The following GRIA1 variants were observed in gnomAD, a reference collection of about 807,000 sequenced individuals.
GRIA1 encodes the protein glutamate ionotropic receptor AMPA type subunit 1.
Under a neutral mutation model 99.2 loss-of-function variants are expected in GRIA1, and 31 were observed. That is an observed-to-expected ratio of 0.31 (90% CI 0.23 to 0.42). The LOEUF (loss-of-function observed/expected upper bound fraction) is 0.42, where lower values mean the gene tolerates loss of function less well. Among genes scored for constraint, GRIA1 ranks in the 10% least tolerant of loss-of-function variants. GRIA1 has a pLI of 1.00. For missense variants in GRIA1, 782 were observed against 1,157.5 expected, an observed-to-expected ratio of 0.68 and a Z score of 4.71; for synonymous variants, 438 against 432.4, an observed-to-expected ratio of 1.01 and a Z score of -0.16.
At chr5:153,808,029 G>A (rs1347261813) in intron 15 of GRIA1, among the ~76,000 whole-genome samples, 1 of 152,226 alleles carries the variant, frequency 6.6e-6, no homozygotes, top group East Asian at 1.9e-4. Context: ...TCCACAGCAG[G>A]TGGTCACTGG....
chr5:153,706,324 C>T (rs761598597), intron 11 of GRIA1, among the ~76,000 whole-genome samples: 13 of 151,014 alleles, frequency 8.6e-5, no homozygotes, highest in African/African-American at 2.2e-4. Context: ...ATGACTGATG[C>T]GTTGTAGCTG....
intron 13 of GRIA1, among the ~76,000 whole-genome samples, chr5:153,788,394 G>A (rs377477925): frequency 1.5e-4 from 23 of 151,974 alleles, no homozygotes; most frequent in African/African-American, 5.6e-4. Flanking sequence ...TCCCTGCATT[G>A]GGAGAACTTA....
intron 2 of GRIA1, among the ~76,000 whole-genome samples, chr5:153,562,272 C>A (rs190858610): frequency 4.6e-5 from 7 of 152,244 alleles, no homozygotes; most frequent in Admixed American, 4.6e-4. Flanking sequence ...CATCTATACC[C>A]ATTATGTCTG....
At position 153,764,437 on chromosome 5, in the gene GRIA1, C is replaced by T. The variant is rs746372993; in HGVS notation, c.1827C>T (p.Ser609=). The part of the protein sequence containing the change: ...MQQGCDISPR[S]LSGRIVGGVW... ...GCCTCTTCCCTTTGGCCTGCAGGTC[C>T]CTGTCTGGTCGCATCGTTGGTGGCG... Residue 609 remains serine, a synonymous_variant, in exon 12 of 16, where the codon TCC becomes TCT. Coordinates refer to ENST00000285900, the MANE Select transcript of GRIA1 (RefSeq NM_000827.4). 3 of 1,613,134 alleles carry T rather than the reference C, an allele frequency of 1.9e-6. No individual in the cohort carries two copies. The highest frequency in any genetic ancestry group is 2.5e-6 in the Non-Finnish European group (3 of 1,179,286).
chr5:153,640,782 T>C (rs1753727995), intron 2 of GRIA1, among the ~76,000 whole-genome samples: 2 of 152,318 alleles, frequency 1.3e-5, no homozygotes, highest in South Asian at 4.1e-4. Flanking sequence ...ACCCCAATTT[T>C]CTGGCAATAT....
At chr5:153,650,265 G>A in intron 3 of GRIA1, 65 bp from the exon 4 acceptor site, 2 of 1,432,280 alleles carry the variant, frequency 1.4e-6, no homozygotes, top group Non-Finnish European at 1.9e-6. Context: ...GGTGCCTGAT[G>A]GGAGTGGGTG....
chr5:153,795,731 G>A (rs1765603037), intron 14 of GRIA1: 2 of 552,538 alleles, frequency 3.6e-6, no homozygotes, highest in African/African-American at 3.8e-5. Flanking sequence ...AGTCCAGGCA[G>A]GGTTAAAAAG....
intron 13 of GRIA1, among the ~76,000 whole-genome samples, chr5:153,785,879 G>A (rs1764936564): frequency 6.6e-6 from 1 of 152,200 alleles, no homozygotes; most frequent in South Asian, 2.1e-4. Flanking sequence ...GCAGCAATCT[G>A]TGTCCCTGTG....
intron 2 of GRIA1, among the ~76,000 whole-genome samples, chr5:153,517,701 C>T (rs1756757049): frequency 6.6e-6 from 1 of 152,202 alleles, no homozygotes; most frequent in African/African-American, 2.4e-5. Context: ...TGAATCCACA[C>T]ACTTTTTTCA....
At chr5:153,502,903 T>A (rs1435490774) in intron 2 of GRIA1, among the ~76,000 whole-genome samples, 1 of 152,208 alleles carries the variant, frequency 6.6e-6, no homozygotes, top group Non-Finnish European at 1.5e-5. Flanking sequence ...AAAACTTGTA[T>A]AATTATAGTA....
At position 153,662,168 on chromosome 5, in the gene GRIA1, A is replaced by G. The variant is rs1003909974; in HGVS notation, c.699+6296A>G. On this transcript the variant is annotated intron_variant, in intron 5 of 15. Coordinates refer to ENST00000285900, the MANE Select transcript of GRIA1 (RefSeq NM_000827.4). ...ACCTTGCTTACTCTTTGGTGTTTGC[A>G]CCTTCAGTCTGGACACACCCCTGTT... Among the ~76,000 whole-genome samples the G allele has an allele frequency of 3.3e-5, 5 of 152,126 alleles. No homozygotes were observed. In the East Asian group the frequency reaches 9.6e-4, roughly 29 times the overall value.
chr5:153,521,213 G>C (rs1757113945), intron 2 of GRIA1, among the ~76,000 whole-genome samples: 1 of 152,242 alleles, frequency 6.6e-6, no homozygotes, highest in South Asian at 2.1e-4. Flanking sequence ...ACAATGCTTA[G>C]GCTATGCAGC....
chr5:153,804,668 T>C (rs1414264305), intron 15 of GRIA1, among the ~76,000 whole-genome samples: 1 of 152,150 alleles, frequency 6.6e-6, no homozygotes, highest in Non-Finnish European at 1.5e-5. Flanking sequence ...ATCTTCTCCA[T>C]TTGTTAACTA....
At chr5:153,592,960 TGAC>T (rs1764101961) in intron 2 of GRIA1, among the ~76,000 whole-genome samples, 1 of 152,182 alleles carries the variant, frequency 6.6e-6, no homozygotes, top group African/African-American at 2.4e-5. Context: ...TCCACCCTCG[TGAC>T]CTCTTCTAAA....
At chr5:153,759,038 C>CA (rs1483316582) in intron 11 of GRIA1, among the ~76,000 whole-genome samples, 1 of 150,960 alleles carries the variant, frequency 6.6e-6, no homozygotes, top group Non-Finnish European at 1.5e-5. Flanking sequence ...TTTCATGAGA[C>CA]AAATGAAAAT....
At chr5:153,699,510 C>T (rs906030938) in intron 10 of GRIA1, among the ~76,000 whole-genome samples, 2 of 152,192 alleles carry the variant, frequency 1.3e-5, no homozygotes, top group African/African-American at 4.8e-5. Flanking sequence ...TCAAATGCCC[C>T]TTAATTACTC....
chr5:153,801,925 G>T (rs1192567050), intron 14 of GRIA1, among the ~76,000 whole-genome samples: 1 of 119,792 alleles, frequency 8.3e-6, no homozygotes, highest in African/African-American at 3.2e-5. Flanking sequence ...AGGCCAATGG[G>T]TTACCAAGCA....
intron 2 of GRIA1, among the ~76,000 whole-genome samples, chr5:153,614,701 T>C (rs1766315158): frequency 6.6e-6 from 1 of 152,182 alleles, no homozygotes; most frequent in South Asian, 2.1e-4. Flanking sequence ...AAAACCTAAA[T>C]TGTTTGATTG....
chr5:153,793,035 A>T (rs945461400), intron 13 of GRIA1, among the ~76,000 whole-genome samples: 1 of 152,192 alleles, frequency 6.6e-6, no homozygotes, highest in Non-Finnish European at 1.5e-5. Context: ...CCAGCGACTG[A>T]CAAGCATAAA....
Sources: gnomAD v4.1 joint callset for allele counts (sites outside exome capture counted in the v4.1 genomes callset) on GRCh38, gnomAD v4.1.1 for gene constraint, MANE v1.5 for transcripts, NCBI Gene and HGNC (gene_info 2026-07-23, HGNC 2026-07-21) for gene names.